PHACTR1: variants seen among roughly 807,000 people sequenced by gnomAD.
PHACTR1 encodes phosphatase and actin regulator 1.
In PHACTR1, 16 loss-of-function variants were observed where a neutral mutation model predicts 69.2. The ratio of observed to expected loss-of-function variants is 0.23; its 90% CI spans 0.16 to 0.35. PHACTR1 has a LOEUF of 0.35. PHACTR1 is among the 10% of genes least tolerant of loss of function. The pLI, the probability that PHACTR1 is intolerant of heterozygous loss-of-function variation, is 1.00. For missense variants in PHACTR1, 510 were observed against 734.7 expected (o/e 0.69, Z 3.54); for synonymous variants, 312 against 284.5 (o/e 1.10, Z -0.97).
intron 5 of PHACTR1, among the ~76,000 whole-genome samples, chr6:13,088,644 T>C (rs7774032): frequency 0.09 from 13,702 of 152,174 alleles, 2,055 homozygotes; most frequent in African/African-American, 0.31. Flanking sequence ...AAACACAGCT[T>C]GGATAGGCTT....
rs1789321095 is a variant in PHACTR1, at chr6:12,935,326, C to T, written c.251-118039C>T. ...TAGTACAATCTCGGCTCACTGCAAC[C>T]TCTCCCTCCCTGATTCAAGCGATTC... On this transcript the variant is annotated intron_variant, in intron 4 of 14. Transcript: ENST00000332995. 2.0e-5 allele frequency among the ~76,000 whole-genome samples: 3 copies of T among 152,122 alleles called. No individual in the cohort carries two copies. In the South Asian group the frequency reaches 6.2e-4, roughly 32 times the overall value.
At chr6:13,242,815 G>C (rs1209484288) in intron 10 of PHACTR1, among the ~76,000 whole-genome samples, 2 of 152,208 alleles carry the variant, frequency 1.3e-5, no homozygotes, top group Non-Finnish European at 2.9e-5. Context: ...AAGTTACTAA[G>C]GGAGAACATG....
At chr6:13,051,501 C>A (rs1218927190) in intron 4 of PHACTR1, among the ~76,000 whole-genome samples, 2 of 152,206 alleles carry the variant, frequency 1.3e-5, no homozygotes, top group Admixed American at 6.5e-5. Context: ...CTTCATCTCA[C>A]CTAACGTCAC....
At chr6:12,827,179 T>G (rs1208209730) in intron 4 of PHACTR1, among the ~76,000 whole-genome samples, 1 of 152,208 alleles carries the variant, frequency 6.6e-6, no homozygotes, top group Non-Finnish European at 1.5e-5. Flanking sequence ...TTTCTATCTT[T>G]TACTTAATTA....
chr6:13,054,844 A>G (rs1047724197), intron 5 of PHACTR1, among the ~76,000 whole-genome samples: 1 of 152,174 alleles, frequency 6.6e-6, no homozygotes, highest in African/African-American at 2.4e-5. Flanking sequence ...GTGTCCAGTC[A>G]TTGCCAGGGC....
intron 4 of PHACTR1, among the ~76,000 whole-genome samples, chr6:12,974,999 A>G (rs1450282502): frequency 6.6e-6 from 1 of 151,824 alleles, no homozygotes; most frequent in African/African-American, 2.4e-5. Flanking sequence ...CCATACTCCT[A>G]CGGTCAGGGA....
intron 4 of PHACTR1, among the ~76,000 whole-genome samples, chr6:12,760,660 C>T (rs887136152): frequency 5.9e-5 from 9 of 152,258 alleles, no homozygotes; most frequent in African/African-American, 9.6e-5. Flanking sequence ...AGGCCAGGTG[C>T]GGTGGCTCAC....
At chr6:12,986,511 C>G (rs1796209188) in intron 4 of PHACTR1, among the ~76,000 whole-genome samples, 2 of 152,178 alleles carry the variant, frequency 1.3e-5, no homozygotes, top group Non-Finnish European at 2.9e-5. Context: ...CATACTAATG[C>G]TCTTGCGTTC....
At chr6:12,966,885 AGAG>A (rs1208740901) in intron 4 of PHACTR1, among the ~76,000 whole-genome samples, 1 of 152,250 alleles carries the variant, frequency 6.6e-6, no homozygotes. Context: ...GCTCGTGAAC[AGAG>A]GAGAAGCATG....
chr6:12,914,576 A>T (rs1786762709), intron 4 of PHACTR1, among the ~76,000 whole-genome samples: 1 of 152,090 alleles, frequency 6.6e-6, no homozygotes, highest in African/African-American at 2.4e-5. Flanking sequence ...CACACACCTT[A>T]AATGTAGCAA....
At chr6:13,116,747 G>T (rs989964649) in intron 5 of PHACTR1, among the ~76,000 whole-genome samples, 1 of 152,190 alleles carries the variant, frequency 6.6e-6, no homozygotes, top group Non-Finnish European at 1.5e-5. Context: ...AAAAATAACT[G>T]CTGGAGAGAG....
chr6:13,041,500 G>A (rs114471146), intron 4 of PHACTR1, among the ~76,000 whole-genome samples: 2,864 of 152,106 alleles, frequency 0.019, 35 homozygotes, highest in Middle Eastern at 0.071. Context: ...AACTCACCTG[G>A]GAGGTAATGG....
At chr6:12,935,380 A>T (rs1789328359) in intron 4 of PHACTR1, among the ~76,000 whole-genome samples, 1 of 152,006 alleles carries the variant, frequency 6.6e-6, no homozygotes, top group Non-Finnish European at 1.5e-5. Context: ...AGTAGCTGGG[A>T]TTATAGGCGC....
intron 7 of PHACTR1, among the ~76,000 whole-genome samples, chr6:13,200,929 G>A (rs1233675656): frequency 6.8e-6 from 1 of 146,442 alleles, no homozygotes; most frequent in African/African-American, 2.5e-5. Context: ...GGCAACAAGA[G>A]CGAAACTCTG....
rs1780830000 is a variant in PHACTR1 at position 12,860,493 on chromosome 6, A to G, written c.250+110703A>G. Among the ~76,000 whole-genome samples the G allele has an allele frequency of 1.3e-5, 2 of 152,132 alleles. 1 individual carries two copies. The highest frequency in any genetic ancestry group is 1.3e-4 in the Admixed American group (2 of 15,268). Reference sequence around the variant, plus strand: ...CGTCTTTATAGTAGAATGATTTATAATCATTTGGGTATATACCCAGTAATG... The same window carrying G: ...CGTCTTTATAGTAGAATGATTTATAGTCATTTGGGTATATACCCAGTAATG... On this transcript the variant is annotated intron_variant, in intron 4 of 14. Transcript: ENST00000332995.
At chr6:13,062,101 C>T (rs545047478) in intron 5 of PHACTR1, among the ~76,000 whole-genome samples, 1 of 152,102 alleles carries the variant, frequency 6.6e-6, no homozygotes, top group Non-Finnish European at 1.5e-5. Context: ...AGGGCTGGGC[C>T]GGAAATATGT....
intron 4 of PHACTR1, among the ~76,000 whole-genome samples, chr6:12,828,683 G>A (rs1777072440): frequency 6.6e-6 from 1 of 151,826 alleles, no homozygotes; most frequent in Non-Finnish European, 1.5e-5. Flanking sequence ...TCTTTTTCTG[G>A]AATGAAAATG....
rs1189703351 is a variant in PHACTR1, at chr6:12,844,582, G to A, written c.250+94792G>A. Among the ~76,000 whole-genome samples, 4 of 152,196 alleles carry A rather than the reference G, an allele frequency of 2.6e-5. No homozygotes were observed. In the South Asian group the frequency reaches 8.3e-4, roughly 32 times the overall value. ...GCACACAAACCAGTTCCTTGCTCTAGGGAGTTTATATTTTGGTAGGCAAGT... is the reference window on the plus strand; with the variant it reads ...GCACACAAACCAGTTCCTTGCTCTAAGGAGTTTATATTTTGGTAGGCAAGT... On this transcript the variant is annotated intron_variant, in intron 4 of 14. Transcript: ENST00000332995.
At chr6:13,108,801 G>A (rs886282708) in intron 5 of PHACTR1, among the ~76,000 whole-genome samples, 2 of 151,816 alleles carry the variant, frequency 1.3e-5, no homozygotes, top group African/African-American at 2.4e-5. Flanking sequence ...TTTTATTTTT[G>A]TGCAATTATC....
Sources: allele counts gnomAD v4.1 joint callset (sites outside exome capture counted in the v4.1 genomes callset), GRCh38; gene constraint gnomAD v4.1.1; transcripts MANE v1.5; gene names NCBI Gene and HGNC (gene_info 2026-07-23, HGNC 2026-07-21).